Variants in PDS5A observed in about 807,000 individuals in gnomAD.
The protein encoded by PDS5A is sister chromatid cohesion protein PDS5 homolog A.
In PDS5A, 42 loss-of-function variants were observed where a neutral mutation model predicts 167.1. The observed-to-expected ratio is 0.25, with a 90% confidence interval of 0.20 to 0.33. The LOEUF is 0.33. PDS5A is among the 10% of genes least tolerant of loss of function. The pLI is 1.00. For missense variants in PDS5A, 1,033 were observed against 1,605.9 expected (o/e 0.64, Z 6.10); for synonymous variants, 553 against 554.6 (o/e 1.00, Z 0.04).
At chr4:39,943,277 A>G (rs369278097) in intron 2 of PDS5A, among the ~76,000 whole-genome samples, 2 of 152,082 alleles carry the variant, frequency 1.3e-5, no homozygotes, top group African/African-American at 4.8e-5. Flanking sequence ...AATTTCAACA[A>G]ATTATTCTTT....
chr4:39,887,453 G>C (rs996568874), intron 17 of PDS5A, among the ~76,000 whole-genome samples: 5 of 152,094 alleles, frequency 3.3e-5, no homozygotes, highest in African/African-American at 1.2e-4. Flanking sequence ...GCATCCCTGG[G>C]ATGAATTCCA....
intron 2 of PDS5A, chr4:39,973,357 T>C: frequency 1.2e-6 from 2 of 1,605,020 alleles, no homozygotes; most frequent in Non-Finnish European, 1.7e-6. Flanking sequence ...AACTTGTGGC[T>C]GTGCATTAAG....
chr4:39,927,843 T>G, intron 3 of PDS5A, 118 bp downstream of exon 3: 1 of 695,232 alleles, frequency 1.4e-6, no homozygotes, highest in South Asian at 2.0e-5. Context: ...AATATATTCT[T>G]AAGATGAAGA....
chr4:39,926,960 A>G (rs1441246441), intron 3 of PDS5A, 99 bp from the exon 4 acceptor site: 4 of 1,009,900 alleles, frequency 4.0e-6, no homozygotes, highest in Admixed American at 4.5e-5. Flanking sequence ...AACTACAATA[A>G]AAGAAAATTC....
chr4:39,874,486 C>A, intron 19 of PDS5A, 74 bp from the exon 20 acceptor site: 2 of 1,255,300 alleles, frequency 1.6e-6, no homozygotes, highest in Non-Finnish European at 2.3e-6. Flanking sequence ...TTGACTTCCA[C>A]TTCCCCTATA....
chr4:39,863,385 T>C lies in PDS5A; in HGVS notation c.2717A>G (p.His906Arg). 1.2e-6 allele frequency: 2 copies of C among 1,610,290 alleles called. No homozygotes were observed. Among genetic ancestry groups the C allele is most frequent in the East Asian group, 2.2e-5 (1 of 44,834 alleles). ...IMKLAQEPCY[H>R]EIITPEQFQL... ...AAACTGTTCTGGGGTAATAATTTCA[T>C]GGTAACAAGGTTCCTGAGCAAGCTT... Residue 906 changes from histidine to arginine, a missense_variant, in exon 24 of 33, where the codon CAT becomes CGT. Physicochemically the swap from His to Arg is conservative, Grantham distance 29. This residue lies in a region of PDS5A where 367 missense variants were observed against 686.7 expected (regional missense o/e 0.53). Coordinates refer to ENST00000303538, the MANE Select transcript of PDS5A (RefSeq NM_001100399.2).
intron 18 of PDS5A, among the ~76,000 whole-genome samples, chr4:39,879,034 G>A (rs2109588324): frequency 6.6e-6 from 1 of 152,302 alleles, no homozygotes; most frequent in East Asian, 1.9e-4. Context: ...GAGCTGCCGA[G>A]CCCAGCTGAA....
At chr4:39,856,198 TA>T (rs1344422470) in intron 26 of PDS5A, among the ~76,000 whole-genome samples, 2 of 151,978 alleles carry the variant, frequency 1.3e-5, no homozygotes, top group Admixed American at 6.6e-5. Context: ...CTCCAAGTTC[TA>T]AAAAAACAAA....
intron 2 of PDS5A, among the ~76,000 whole-genome samples, chr4:39,971,857 C>T (rs1333706879): frequency 6.6e-6 from 1 of 151,888 alleles, no homozygotes; most frequent in South Asian, 2.1e-4. Flanking sequence ...AACTAAGATT[C>T]TAATAAAAAA....
At chr4:39,940,914 C>T (rs1727164204) in intron 2 of PDS5A, among the ~76,000 whole-genome samples, 1 of 152,246 alleles carries the variant, frequency 6.6e-6, no homozygotes, top group African/African-American at 2.4e-5. Flanking sequence ...AAGCAATCCA[C>T]CCGTCTTGGC....
intron 26 of PDS5A, 35 bp downstream of exon 26, chr4:39,862,184 A>T (rs574260142): frequency 1.2e-6 from 1 of 832,074 alleles, no homozygotes; most frequent in Non-Finnish European, 1.8e-6. Context: ...AACTAAACAT[A>T]ATTTTTAGAG....
chr4:39,842,849 A>G (rs1196729994), intron 30 of PDS5A, among the ~76,000 whole-genome samples: 1 of 145,284 alleles, frequency 6.9e-6, no homozygotes, highest in African/African-American at 2.5e-5. Context: ...ACATGTTAAA[A>G]TAAACATGGA....
chr4:39,889,364 G>A (rs1242973621), intron 17 of PDS5A, among the ~76,000 whole-genome samples: 2 of 152,222 alleles, frequency 1.3e-5, no homozygotes, highest in African/African-American at 4.8e-5. Context: ...GTTCAGGCCA[G>A]GCACTGGGGT....
intron 21 of PDS5A, among the ~76,000 whole-genome samples, chr4:39,871,535 G>C (rs1720028700): frequency 6.6e-6 from 1 of 152,112 alleles, no homozygotes; most frequent in African/African-American, 2.4e-5. Context: ...CTGATACTGA[G>C]GCCTCAAGAT....
At chr4:39,915,134 G>C (rs1441568967) in intron 8 of PDS5A, among the ~76,000 whole-genome samples, 1 of 151,862 alleles carries the variant, frequency 6.6e-6, no homozygotes, top group Non-Finnish European at 1.5e-5. Context: ...GAACTCCTGG[G>C]CTCAAGTGAT....
intron 2 of PDS5A, among the ~76,000 whole-genome samples, chr4:39,934,615 CTTTTTTTTT>C (rs5857707): frequency 7.8e-6 from 1 of 127,594 alleles, no homozygotes; most frequent in Non-Finnish European, 1.7e-5. Context: ...CTTTTTTTTT[CTTTTTTTTT>C]TTTTTTTTAA....
intron 16 of PDS5A, among the ~76,000 whole-genome samples, chr4:39,895,199 CAAA>C (rs34303340): frequency 5.4e-5 from 5 of 93,428 alleles, no homozygotes; most frequent in Non-Finnish European, 6.3e-5. Flanking sequence ...GACTCCGTCT[CAAA>C]AAAAAAAAAA....
intron 26 of PDS5A, among the ~76,000 whole-genome samples, chr4:39,857,407 A>C (rs1163732538): frequency 6.6e-6 from 1 of 151,996 alleles, no homozygotes; most frequent in East Asian, 1.9e-4. Context: ...AAGAGAAGTC[A>C]GAAGGTTCAC....
At chr4:39,905,909 C>A (rs907241359) in intron 11 of PDS5A, among the ~76,000 whole-genome samples, 12 of 150,492 alleles carry the variant, frequency 8.0e-5, no homozygotes, top group Admixed American at 8.0e-4. Context: ...ATTAATGATT[C>A]AATCTGAGGA....
Sources: gnomAD v4.1 joint callset for allele counts (sites outside exome capture counted in the v4.1 genomes callset) on GRCh38, gnomAD v4.1.1 for gene constraint, gnomAD v4.1.1 regional missense constraint, MANE v1.5 for transcripts, NCBI Gene and HGNC (gene_info 2026-07-23, HGNC 2026-07-21) for gene names.